TMEM117: variants seen among roughly 807,000 people sequenced by gnomAD.
TMEM117 encodes transmembrane protein 117.
TMEM117 carries 27 observed loss-of-function variants against 52.4 expected under a neutral mutation model. That is an observed-to-expected ratio of 0.51 (90% CI 0.38 to 0.71). The LOEUF (loss-of-function observed/expected upper bound fraction) is 0.71. TMEM117 is among the 30% of genes least tolerant of loss of function. The probability of loss-of-function intolerance (pLI) is 0.00; values close to 1 mark genes in which losing one functional copy is unlikely to be tolerated. For synonymous variants in TMEM117, 215 were observed against 206.3 expected, an observed-to-expected ratio of 1.04 and a Z score of -0.36; for missense variants, 556 against 630.5, an observed-to-expected ratio of 0.88 and a Z score of 1.26.
In TMEM117 at chr12:44,389,585, C is replaced by T. The variant is rs1565788194; in HGVS notation, c.*913C>T. On this transcript the variant is annotated 3_prime_UTR_variant, in exon 8 of 8. Transcript: ENST00000266534. The stretch of plus-strand genomic sequence containing the variant: ...GCTCTGGATAGTGAAAATTGAAAAA[C>T]ATATGCCAACCCTGAGCAAGGGAAC... 6.6e-6 allele frequency: 1 copy of T among 152,534 alleles called. No homozygotes were observed. Among genetic ancestry groups the T allele is most frequent in the Admixed American group, 6.6e-5 (1 of 15,240 alleles). The allele number at this position is 152,534 out of a possible 1,614,324, so 9.4% of individuals were successfully genotyped here.
At chr12:44,167,781 T>C (rs1156882668) in intron 4 of TMEM117, among the ~76,000 whole-genome samples, 1 of 152,110 alleles carries the variant, frequency 6.6e-6, no homozygotes, top group Non-Finnish European at 1.5e-5. Flanking sequence ...CCTAGAAGAG[T>C]AGAGGAAATA....
chr12:43,882,335 C>T (rs1943912676), intron 2 of TMEM117, among the ~76,000 whole-genome samples: 2 of 151,638 alleles, frequency 1.3e-5, no homozygotes, highest in South Asian at 4.2e-4. Flanking sequence ...TGGCAGGCAC[C>T]TGTAATCCCA....
At chr12:44,286,314 A>G (rs866119020) in intron 5 of TMEM117, among the ~76,000 whole-genome samples, 11 of 150,442 alleles carry the variant, frequency 7.3e-5, no homozygotes, top group African/African-American at 2.7e-4. Context: ...AGTTTTATAT[A>G]TATAATATAT....
At position 44,154,302 on chromosome 12, in the gene TMEM117, G is replaced by T. The variant is rs147869236; in HGVS notation, c.510+10678G>T. On this transcript the variant is annotated intron_variant, in intron 4 of 7. Coordinates refer to ENST00000266534, the MANE Select transcript of TMEM117 (RefSeq NM_032256.3). ...CATCAACAGTTTCTTAAATGCTATA[G>T]ACAAGGACGCACAAAAAGAAAGTAG... is the stretch of plus-strand genomic sequence containing the variant. 1.5e-3 allele frequency among the ~76,000 whole-genome samples: 231 copies of T among 152,160 alleles called. 10 individuals are homozygous for T. The East Asian group carries it at 0.041, about 27-fold the overall frequency.
chr12:44,032,254 C>G (rs1946643880), intron 3 of TMEM117, among the ~76,000 whole-genome samples: 2 of 152,196 alleles, frequency 1.3e-5, no homozygotes, highest in African/African-American at 4.8e-5. Context: ...TAAAGCAAAT[C>G]AATCTTACCG....
At chr12:44,269,431 T>G (rs1473869569) in intron 5 of TMEM117, among the ~76,000 whole-genome samples, 1 of 152,070 alleles carries the variant, frequency 6.6e-6, no homozygotes, top group Admixed American at 6.6e-5. Flanking sequence ...GATAGGAAAT[T>G]TACTGTCTTA....
rs140126706 is a variant in TMEM117, at chr12:44,100,933, G to T, written c.411-42592G>T. On this transcript the variant is annotated intron_variant, in intron 3 of 7. Coordinates refer to ENST00000266534, the MANE Select transcript of TMEM117 (RefSeq NM_032256.3). ...GTAATAAAATATGACACACTGGGTGGATTATAAACAATAGAAATTTATTTC... is the reference window on the plus strand; with the variant it reads ...GTAATAAAATATGACACACTGGGTGTATTATAAACAATAGAAATTTATTTC... 3.3e-3 allele frequency among the ~76,000 whole-genome samples: 506 copies of T among 151,956 alleles called. 2 individuals are homozygous for T. Among genetic ancestry groups the T allele is most frequent in the Admixed American group, 8.9e-3 (135 of 15,220 alleles).
chr12:43,799,416 T>A, the TMEM117 span: 2 of 1,608,126 alleles, frequency 1.2e-6, no homozygotes, highest in Non-Finnish European at 1.7e-6. Context: ...TTTTAATCTG[T>A]CGTAGTTCTT....
At chr12:44,377,288 A>G (rs889396185) in intron 7 of TMEM117, among the ~76,000 whole-genome samples, 2 of 152,112 alleles carry the variant, frequency 1.3e-5, no homozygotes, top group African/African-American at 4.8e-5. Context: ...TCTATTTTCA[A>G]TGTTATATTC....
intron 2 of TMEM117, among the ~76,000 whole-genome samples, chr12:43,886,999 C>T (rs961187473): frequency 1.3e-5 from 2 of 152,110 alleles, no homozygotes; most frequent in Non-Finnish European, 2.9e-5. Flanking sequence ...AGGCACATGC[C>T]ACGACAACCA....
At chr12:44,376,334 CAAATCAAT>C in intron 6 of TMEM117, 12 of 425,212 alleles carry the variant, frequency 2.8e-5, no homozygotes, top group Admixed American at 1.6e-4. Flanking sequence ...TGTGTAGATG[CAAATCAAT>C]TCTGTATTGG....
At chr12:43,920,539 C>T (rs1328949072) in intron 2 of TMEM117, among the ~76,000 whole-genome samples, 1 of 137,538 alleles carries the variant, frequency 7.3e-6, no homozygotes, top group Non-Finnish European at 1.5e-5. Flanking sequence ...CCAGTTCAAA[C>T]CTAGAGGGCC....
chr12:44,299,520 A>C, intron 5 of TMEM117, 60 bp from the exon 6 acceptor site: 1 of 1,571,932 alleles, frequency 6.4e-7, no homozygotes, highest in South Asian at 1.2e-5. Flanking sequence ...GATAACATGC[A>C]CTCTCTAGTA....
chr12:43,797,418 G>A, the TMEM117 span: 3 of 1,595,850 alleles, frequency 1.9e-6, no homozygotes, highest in Middle Eastern at 2.0e-4. Context: ...TGTTGTGTTG[G>A]CCAAAATTAT....
chr12:43,870,852 C>T (rs1436541169), intron 2 of TMEM117, among the ~76,000 whole-genome samples: 2 of 151,696 alleles, frequency 1.3e-5, no homozygotes, highest in Non-Finnish European at 2.9e-5. Context: ...TGGTGCTATC[C>T]CCGCTCACTG....
At chr12:43,862,923 C>G (rs561626890) in intron 2 of TMEM117, among the ~76,000 whole-genome samples, 1 of 151,996 alleles carries the variant, frequency 6.6e-6, no homozygotes, top group African/African-American at 2.4e-5. Context: ...GCTGAGATTA[C>G]GCACTGCACT....
the TMEM117 span, among the ~76,000 whole-genome samples, chr12:43,813,240 T>C: frequency 7.6e-6 from 1 of 131,460 alleles, no homozygotes; most frequent in African/African-American, 3.0e-5. Flanking sequence ...TGTTTTTTTT[T>C]TTTTTTTTTT....
chr12:44,044,177 T>G (rs1270034341), intron 3 of TMEM117, among the ~76,000 whole-genome samples: 2 of 152,196 alleles, frequency 1.3e-5, no homozygotes, highest in African/African-American at 4.8e-5. Flanking sequence ...GAGCAGCACC[T>G]GTGTCTTTGA....
At chr12:44,030,742 C>T (rs1337318204) in intron 3 of TMEM117, among the ~76,000 whole-genome samples, 2 of 152,058 alleles carry the variant, frequency 1.3e-5, no homozygotes, top group Non-Finnish European at 2.9e-5. Context: ...CTGATTTTCC[C>T]CCCAAAATTT....
Sources: gnomAD v4.1 joint callset for allele counts (sites outside exome capture counted in the v4.1 genomes callset) on GRCh38, gnomAD v4.1.1 for gene constraint, MANE v1.5 for transcripts, NCBI Gene and HGNC (gene_info 2026-07-23, HGNC 2026-07-21) for gene names.